Variants in LEPR observed in about 807,000 individuals in gnomAD.
LEPR encodes OB receptor.
Under a neutral mutation model 114.7 loss-of-function variants are expected in LEPR, and 56 were observed. The ratio of observed to expected loss-of-function variants is 0.49; its 90% CI spans 0.39 to 0.61. The LOEUF (loss-of-function observed/expected upper bound fraction) is 0.61, where lower values mean the gene tolerates loss of function less well. Among genes scored for constraint, LEPR ranks in the 20% least tolerant of loss-of-function variants. LEPR has a pLI of 0.00. For synonymous variants in LEPR, 443 were observed against 461.4 expected, an observed-to-expected ratio of 0.96 and a Z score of 0.51; for missense variants, 1,202 against 1,352.9, an observed-to-expected ratio of 0.89 and a Z score of 1.75.
At chr1:65,495,388 C>G (rs964577207) in intron 2 of LEPR, among the ~76,000 whole-genome samples, 9 of 152,206 alleles carry the variant, frequency 5.9e-5, no homozygotes, top group African/African-American at 2.2e-4. Flanking sequence ...GTCAAAAAGA[C>G]AAAAGGCAAC....
chr1:65,608,612 A>G, intron 11 of LEPR, 141 bp from the exon 12 acceptor site: 1 of 1,001,224 alleles, frequency 1.0e-6, no homozygotes, highest in Non-Finnish European at 1.5e-6. Context: ...AGTAATAGGG[A>G]AACAAATGAG....
Position 65,635,709 on chromosome 1 carries a change from A to G in LEPR, c.2674-482A>G, listed in dbSNP as rs1020516943. ...TGTTTTTAGACAAGTTATTTTGGTC[A>G]TTTCATTTCAATCCACTTTTTTCTA... On this transcript the variant is annotated intron_variant, in intron 19 of 19. Transcript: ENST00000349533. Among the ~76,000 whole-genome samples the G allele has an allele frequency of 2.6e-5, 4 of 152,110 alleles. No individual in the cohort carries two copies. In the South Asian group the frequency reaches 8.3e-4, roughly 31 times the overall value.
chr1:65,433,885 A>G (rs1044475510), intron 2 of LEPR: 13 of 985,356 alleles, frequency 1.3e-5, no homozygotes, highest in Non-Finnish European at 1.3e-5. Flanking sequence ...GATGTTTTAA[A>G]ATGGGCAGTT....
intron 6 of LEPR, among the ~76,000 whole-genome samples, chr1:65,595,354 G>T (rs1655994959): frequency 6.6e-6 from 1 of 152,070 alleles, no homozygotes; most frequent in African/African-American, 2.4e-5. Flanking sequence ...TTTCACACTA[G>T]TAACTCCAGT....
At chr1:65,516,339 G>T (rs925954392) in intron 2 of LEPR, among the ~76,000 whole-genome samples, 1 of 152,178 alleles carries the variant, frequency 6.6e-6, no homozygotes, top group Admixed American at 6.5e-5. Flanking sequence ...AGCTACTTGG[G>T]AGGCTGAGGC....
intron 3 of LEPR, among the ~76,000 whole-genome samples, chr1:65,565,894 T>C (rs577267303): frequency 6.6e-6 from 1 of 151,562 alleles, no homozygotes; most frequent in South Asian, 2.1e-4. Context: ...CACACACACA[T>C]ACACAGACAC....
chr1:65,465,864 T>C (rs1186879513), intron 2 of LEPR, among the ~76,000 whole-genome samples: 3 of 152,182 alleles, frequency 2.0e-5, no homozygotes, highest in African/African-American at 7.2e-5. Flanking sequence ...TTTTTTTTGC[T>C]TTCCATTTGC....
At position 65,525,329 on chromosome 1, in the gene LEPR, C is replaced by A. The variant is rs547593974; in HGVS notation, c.-20-40217C>A. 8.9e-4 allele frequency among the ~76,000 whole-genome samples: 134 copies of A among 151,306 alleles called. 1 individual carries two copies. The highest frequency in any genetic ancestry group is 1.9e-3 in the Non-Finnish European group (126 of 67,824). On this transcript the variant is annotated intron_variant, in intron 2 of 19. Transcript: ENST00000349533. ...CCTATCTCAAGCCTGCGGTCACCGA[C>A]GCGGGTCCGGGGTGGGGGGGTACTG...
At chr1:65,474,160 A>T (rs373907894) in intron 2 of LEPR, among the ~76,000 whole-genome samples, 1 of 152,294 alleles carries the variant, frequency 6.6e-6, no homozygotes, top group East Asian at 1.9e-4. Flanking sequence ...TGTCTATATC[A>T]TACACTTGTT....
chr1:65,442,576 T>G (rs1229027815), intron 2 of LEPR, among the ~76,000 whole-genome samples: 2 of 152,238 alleles, frequency 1.3e-5, no homozygotes, highest in Non-Finnish European at 2.9e-5. Flanking sequence ...TAAACCTCTT[T>G]AAATATTTTA....
At chr1:65,479,873 AG>A (rs1647199556) in intron 2 of LEPR, among the ~76,000 whole-genome samples, 2 of 151,956 alleles carry the variant, frequency 1.3e-5, no homozygotes, top group Admixed American at 1.3e-4. Flanking sequence ...TGATCTTAGT[AG>A]GTATGTAATC....
intron 14 of LEPR, among the ~76,000 whole-genome samples, chr1:65,614,571 CTGCTCT>C (rs1278385074): frequency 3.3e-5 from 5 of 152,186 alleles, no homozygotes; most frequent in Non-Finnish European, 7.3e-5. Flanking sequence ...AATTATGGTA[CTGCTCT>C]ACATGTACTC....
intron 5 of LEPR, among the ~76,000 whole-genome samples, chr1:65,574,117 TG>T (rs1476858165): frequency 1.3e-5 from 2 of 151,966 alleles, no homozygotes. Context: ...AGATCTTAGA[TG>T]GGGGTTATCT....
In LEPR at chr1:65,636,179, CTT is replaced by C; in HGVS notation, c.2674-9_2674-8del. The C allele has an allele frequency of 6.2e-7, 1 of 1,613,526 alleles. No individual in the cohort carries two copies. The highest frequency in any genetic ancestry group is 8.5e-7 in the Non-Finnish European group (1 of 1,179,740). Reference sequence around the variant, plus strand: ...AACATAATTGAGCCTTAAAATGTGTCTTTTCTTTTAGCCAGAAACGTTTGAGC... The same window carrying C: ...AACATAATTGAGCCTTAAAATGTGTCTTCTTTTAGCCAGAAACGTTTGAGC... On this transcript the variant is annotated splice_polypyrimidine_tract_variant and intron_variant, in intron 19 of 19. Coordinates refer to ENST00000349533, the MANE Select transcript of LEPR (RefSeq NM_002303.6).
chr1:65,450,141 G>C (rs1646763911), intron 2 of LEPR, among the ~76,000 whole-genome samples: 1 of 152,126 alleles, frequency 6.6e-6, no homozygotes, highest in African/African-American at 2.4e-5. Context: ...ATTTGCTAAG[G>C]TGTGTTTTAT....
intron 18 of LEPR, among the ~76,000 whole-genome samples, chr1:65,622,395 C>CAAAT (rs1173053169): frequency 2.0e-5 from 3 of 152,080 alleles, no homozygotes; most frequent in African/African-American, 7.2e-5. Context: ...GCTTGTCAGG[C>CAAAT]AAATGCCTGA....
Position 65,613,044 on chromosome 1 carries a change from T to C in LEPR, c.1995+2748T>C, listed in dbSNP as rs147112570. Among the ~76,000 whole-genome samples, 41 of 152,322 alleles carry C rather than the reference T, an allele frequency of 2.7e-4. No individual in the cohort carries two copies. The East Asian group carries it at 7.9e-3, about 29-fold the overall frequency. On this transcript the variant is annotated intron_variant, in intron 14 of 19. Transcript: ENST00000349533. ...GAGTCATGTTCCACCTACTTGAAGGTAGAGGACCTACATATATTATTTAGT... is the reference window on the plus strand; with the variant it reads ...GAGTCATGTTCCACCTACTTGAAGGCAGAGGACCTACATATATTATTTAGT...
intron 5 of LEPR, among the ~76,000 whole-genome samples, chr1:65,575,714 C>T (rs958608716): frequency 1.3e-5 from 2 of 151,342 alleles, no homozygotes. Context: ...AGATAAAAAC[C>T]ATTCCATCAT....
chr1:65,565,680 A>T, intron 3 of LEPR, 75 bp downstream of exon 3: 7 of 1,519,028 alleles, frequency 4.6e-6, no homozygotes, highest in Non-Finnish European at 6.4e-6. Context: ...ATGCTGTTTT[A>T]TTTATTAGCT....
Sources: gnomAD v4.1 joint callset for allele counts (sites outside exome capture counted in the v4.1 genomes callset) on GRCh38, gnomAD v4.1.1 for gene constraint, MANE v1.5 for transcripts, NCBI Gene and HGNC (gene_info 2026-07-23, HGNC 2026-07-21) for gene names.